The following ZNF521 variants were observed in gnomAD, a reference collection of about 807,000 sequenced individuals.
ZNF521 encodes the protein LYST-interacting protein 3.
A neutral mutation model predicts 105.5 loss-of-function variants in ZNF521; 14 were observed. That is an observed-to-expected ratio of 0.13 (90% confidence interval 0.09 to 0.21). The LOEUF is 0.21. Among genes scored for constraint, ZNF521 ranks in the 10% least tolerant of loss-of-function variants. The pLI is 1.00. For missense variants in ZNF521, 1,233 were observed against 1,629.7 expected, an observed-to-expected ratio of 0.76 and a Z score of 4.19; for synonymous variants, 635 against 606.0, an observed-to-expected ratio of 1.05 and a Z score of -0.70.
intron 5 of ZNF521, among the ~76,000 whole-genome samples, chr18:25,141,344 A>G (rs1375298204): frequency 6.6e-6 from 1 of 152,188 alleles, no homozygotes; most frequent in Non-Finnish European, 1.5e-5. Flanking sequence ...GGTCCTGCCA[A>G]ATTGTGCTAG....
At chr18:25,305,801 G>A (rs957936935) in intron 3 of ZNF521, among the ~76,000 whole-genome samples, 4 of 152,112 alleles carry the variant, frequency 2.6e-5, no homozygotes, top group African/African-American at 9.7e-5. Context: ...TGACTCATGT[G>A]AGTTACTCTT....
chr18:25,292,195 A>G (rs1348948861), intron 3 of ZNF521, among the ~76,000 whole-genome samples: 4 of 152,222 alleles, frequency 2.6e-5, no homozygotes, highest in Non-Finnish European at 4.4e-5. Flanking sequence ...GTCACCTGCC[A>G]GTTTCCCACT....
intron 5 of ZNF521, among the ~76,000 whole-genome samples, chr18:25,122,369 AG>A (rs2034460106): frequency 6.6e-6 from 1 of 152,244 alleles, no homozygotes; most frequent in Admixed American, 6.5e-5. Context: ...TCTGAAAAAT[AG>A]GTAACTGTCA....
intron 3 of ZNF521, among the ~76,000 whole-genome samples, chr18:25,248,862 T>C (rs1907912549): frequency 6.6e-6 from 1 of 152,210 alleles, no homozygotes; most frequent in African/African-American, 2.4e-5. Context: ...TAAGAGAGGT[T>C]AACAAACTAC....
chr18:25,096,124 G>A (rs1246619630), intron 5 of ZNF521, among the ~76,000 whole-genome samples: 1 of 152,158 alleles, frequency 6.6e-6, no homozygotes, highest in Non-Finnish European at 1.5e-5. Context: ...TCATTTAACT[G>A]TGAACATAAA....
chr18:25,101,029 T>C (rs1214337376), intron 5 of ZNF521, among the ~76,000 whole-genome samples: 1 of 152,196 alleles, frequency 6.6e-6, no homozygotes, highest in Non-Finnish European at 1.5e-5. Flanking sequence ...TATTCTAAAT[T>C]AAACCCAGAT....
intron 7 of ZNF521, among the ~76,000 whole-genome samples, chr18:25,078,253 G>T (rs936490717): frequency 6.6e-6 from 1 of 152,202 alleles, no homozygotes; most frequent in Non-Finnish European, 1.5e-5. Flanking sequence ...TTGCTGCGCA[G>T]ATTCTGAAAG....
chr18:25,223,618 T>G (rs1185486468), intron 4 of ZNF521, among the ~76,000 whole-genome samples: 2 of 152,116 alleles, frequency 1.3e-5, no homozygotes, highest in Non-Finnish European at 2.9e-5. Flanking sequence ...TATGAAATGA[T>G]TTCATTATAA....
chr18:25,087,237 T>C (rs985510780), intron 7 of ZNF521, among the ~76,000 whole-genome samples: 2 of 152,218 alleles, frequency 1.3e-5, no homozygotes, highest in South Asian at 2.1e-4. Flanking sequence ...GATTGGTCTA[T>C]ACTAATCGTA....
At chr18:25,220,125 AAAG>A (rs1370968070) in intron 4 of ZNF521, among the ~76,000 whole-genome samples, 18 of 152,326 alleles carry the variant, frequency 1.2e-4, no homozygotes, top group African/African-American at 4.1e-4. Flanking sequence ...GGGGCTAGCA[AAAG>A]AAGGAGAGGC....
At chr18:25,255,322 A>G (rs1908405833) in intron 3 of ZNF521, among the ~76,000 whole-genome samples, 1 of 152,130 alleles carries the variant, frequency 6.6e-6, no homozygotes, top group Admixed American at 6.6e-5. Flanking sequence ...GTAATGGGTT[A>G]TATTTCTTAA....
chr18:25,063,172 A>C (rs1029756831), intron 7 of ZNF521, among the ~76,000 whole-genome samples: 1 of 152,214 alleles, frequency 6.6e-6, no homozygotes, highest in Non-Finnish European at 1.5e-5. Flanking sequence ...CTGTTTTAAC[A>C]GTTTTATGGA....
chr18:25,319,758 C>G (rs528621882), intron 3 of ZNF521, among the ~76,000 whole-genome samples: 1 of 152,282 alleles, frequency 6.6e-6, no homozygotes, highest in East Asian at 1.9e-4. Context: ...AACAAACATT[C>G]ATCGTTAACA....
At chr18:25,181,914 G>A (rs558879135) in intron 5 of ZNF521, among the ~76,000 whole-genome samples, 1 of 152,314 alleles carries the variant, frequency 6.6e-6, no homozygotes, top group Non-Finnish European at 1.5e-5. Flanking sequence ...AAGGAAACTG[G>A]TGTAAATGAA....
chr18:25,162,192 T>C (rs1037979107), intron 5 of ZNF521, among the ~76,000 whole-genome samples: 7 of 152,092 alleles, frequency 4.6e-5, no homozygotes, highest in Admixed American at 2.0e-4. Context: ...ATGTTACAAA[T>C]AGTCGTTTCA....
intron 5 of ZNF521, among the ~76,000 whole-genome samples, chr18:25,127,079 A>G (rs937206045): frequency 1.3e-5 from 2 of 152,108 alleles, no homozygotes; most frequent in Non-Finnish European, 2.9e-5. Flanking sequence ...ACGCCATACT[A>G]TTAATGAGTG....
intron 2 of ZNF521, among the ~76,000 whole-genome samples, chr18:25,324,245 G>A (rs1913086354): frequency 2.0e-5 from 3 of 152,108 alleles, no homozygotes; most frequent in Non-Finnish European, 4.4e-5. Context: ...ACCTTTAAAA[G>A]TCCTTTACCA....
intron 5 of ZNF521, among the ~76,000 whole-genome samples, chr18:25,184,510 TAC>T (rs1450809356): frequency 2.6e-5 from 4 of 152,316 alleles, no homozygotes; most frequent in Admixed American, 6.5e-5. Context: ...CAATTAGTAT[TAC>T]TGCACATTAA....
chr18:25,303,271 C>CGTGT (rs756904913), intron 3 of ZNF521, among the ~76,000 whole-genome samples: 9,229 of 132,464 alleles, frequency 0.07, 317 homozygotes, highest in Non-Finnish European at 0.078. Flanking sequence ...TTCTTTCTTT[C>CGTGT]GTGTGTGTGT....
Sources: gnomAD v4.1 joint callset for allele counts (sites outside exome capture counted in the v4.1 genomes callset) on GRCh38, gnomAD v4.1.1 for gene constraint, MANE v1.5 for transcripts, NCBI Gene and HGNC (gene_info 2026-07-23, HGNC 2026-07-21) for gene names.